Variants in ABTB3 observed in about 807,000 individuals in gnomAD.
ABTB3 encodes the protein ankyrin repeat- and BTB/POZ domain-containing protein 3.
the ABTB3 span, chr12:107,520,483 G>A: frequency 6.2e-7 from 1 of 1,613,224 alleles, no homozygotes; most frequent in East Asian, 2.2e-5. Context: ...CCTTCTGACT[G>A]CAGGGGTGCT....
chr12:107,651,360 A>G, the ABTB3 span, among the ~76,000 whole-genome samples: 2 of 152,130 alleles, frequency 1.3e-5, no homozygotes, highest in Non-Finnish European at 2.9e-5. Context: ...TCTTGCTGAT[A>G]ATACCCTGAT....
chr12:107,520,448 C>T, the ABTB3 span: 2 of 1,598,972 alleles, frequency 1.3e-6, no homozygotes, highest in Non-Finnish European at 1.7e-6. Flanking sequence ...AAATAACAAT[C>T]TGTTTTCCTT....
At chr12:107,640,401 C>T in the ABTB3 span, 2 of 1,578,174 alleles carry the variant, frequency 1.3e-6, no homozygotes, top group Non-Finnish European at 1.7e-6. Flanking sequence ...CTGTTATTTA[C>T]AGCCTCTCCA....
At chr12:107,532,460 G>A in the ABTB3 span, among the ~76,000 whole-genome samples, 1 of 152,104 alleles carries the variant, frequency 6.6e-6, no homozygotes, top group Non-Finnish European at 1.5e-5. Context: ...TCATACAAAG[G>A]CTACACTGCT....
At chr12:107,408,328 C>T in the ABTB3 span, among the ~76,000 whole-genome samples, 1 of 152,158 alleles carries the variant, frequency 6.6e-6, no homozygotes, top group Non-Finnish European at 1.5e-5. Context: ...GGGCTGCTGT[C>T]CCATCCTTAT....
chr12:107,341,825 T>C, the ABTB3 span, among the ~76,000 whole-genome samples: 1 of 152,120 alleles, frequency 6.6e-6, no homozygotes, highest in African/African-American at 2.4e-5. Flanking sequence ...TCTCATGAGA[T>C]CTGGCCTTTT....
the ABTB3 span, among the ~76,000 whole-genome samples, chr12:107,531,676 G>A: frequency 6.6e-6 from 1 of 152,178 alleles, no homozygotes; most frequent in South Asian, 2.1e-4. Flanking sequence ...GAGATGCCTG[G>A]AGTCCAGGAA....
chr12:107,473,171 T>C, the ABTB3 span, among the ~76,000 whole-genome samples: 2 of 152,168 alleles, frequency 1.3e-5, no homozygotes, highest in Admixed American at 1.3e-4. Flanking sequence ...GAGTGTAATA[T>C]ACATACAGAA....
the ABTB3 span, among the ~76,000 whole-genome samples, chr12:107,631,490 C>T: frequency 9.9e-5 from 15 of 152,048 alleles, no homozygotes; most frequent in Admixed American, 2.6e-4. Flanking sequence ...TTTCTGGGTC[C>T]AATGGTAGCT....
the ABTB3 span, among the ~76,000 whole-genome samples, chr12:107,414,305 G>A: frequency 6.6e-5 from 10 of 152,148 alleles, no homozygotes; most frequent in Non-Finnish European, 1.5e-4. Flanking sequence ...GGAGATGTTA[G>A]TGCCATTCTA....
At chr12:107,361,769 T>C in the ABTB3 span, among the ~76,000 whole-genome samples, 1 of 152,170 alleles carries the variant, frequency 6.6e-6, no homozygotes, top group African/African-American at 2.4e-5. Flanking sequence ...TTGTAGAACA[T>C]GGCTGCTATC....
chr12:107,556,887 C>G, the ABTB3 span, among the ~76,000 whole-genome samples: 1 of 152,104 alleles, frequency 6.6e-6, no homozygotes, highest in East Asian at 1.9e-4. Flanking sequence ...TGGCATGTGA[C>G]TGTAATCCAA....
chr12:107,326,609 C>T, the ABTB3 span, among the ~76,000 whole-genome samples: 1 of 152,188 alleles, frequency 6.6e-6, no homozygotes, highest in East Asian at 1.9e-4. Context: ...GAGGAACCCA[C>T]ATTTTTTCTG....
the ABTB3 span, among the ~76,000 whole-genome samples, chr12:107,335,493 T>G: frequency 1.3e-5 from 2 of 152,062 alleles, no homozygotes; most frequent in African/African-American, 4.8e-5. Flanking sequence ...TGGGTTCTCA[T>G]GGATTAAGGC....
the ABTB3 span, among the ~76,000 whole-genome samples, chr12:107,585,283 G>A: frequency 6.6e-6 from 1 of 152,146 alleles, no homozygotes; most frequent in Non-Finnish European, 1.5e-5. Context: ...TACTCTTTTT[G>A]CAAGTGTTTC....
At chr12:107,424,838 G>C in the ABTB3 span, among the ~76,000 whole-genome samples, 1 of 152,084 alleles carries the variant, frequency 6.6e-6, no homozygotes, top group Non-Finnish European at 1.5e-5. Context: ...CTGAACTCCT[G>C]CATATCTGCC....
the ABTB3 span, among the ~76,000 whole-genome samples, chr12:107,554,686 A>C: frequency 6.6e-6 from 1 of 152,246 alleles, no homozygotes; most frequent in Non-Finnish European, 1.5e-5. Context: ...CTTAAAATGC[A>C]GATCCTATTC....
chr12:107,425,105 C>G, the ABTB3 span, among the ~76,000 whole-genome samples: 1 of 152,214 alleles, frequency 6.6e-6, no homozygotes, highest in Non-Finnish European at 1.5e-5. Context: ...AACTCCTTAG[C>G]AGACCAGGCC....
the ABTB3 span, among the ~76,000 whole-genome samples, chr12:107,595,437 T>TG: frequency 3.9e-5 from 6 of 152,248 alleles, no homozygotes; most frequent in Middle Eastern, 3.4e-3. Flanking sequence ...CTGGCTGCAA[T>TG]GGGGGGAAAA....
Sources: gnomAD v4.1 joint callset for allele counts (sites outside exome capture counted in the v4.1 genomes callset) on GRCh38, gnomAD v4.1.1 for gene constraint, MANE v1.5 for transcripts, NCBI Gene and HGNC (gene_info 2026-07-23, HGNC 2026-07-21) for gene names.